The following FAM234B variants were observed in gnomAD, a reference collection of about 807,000 sequenced individuals.
FAM234B encodes family with sequence similarity 234 member B.
A neutral mutation model predicts 69.3 loss-of-function variants in FAM234B; 33 were observed. The ratio of observed to expected loss-of-function variants is 0.48; its 90% CI spans 0.36 to 0.64. FAM234B has a LOEUF of 0.64. FAM234B is among the 30% of genes least tolerant of loss of function. The pLI is 0.00. For missense variants in FAM234B, 697 were observed against 769.7 expected, an observed-to-expected ratio of 0.91 and a Z score of 1.12; for synonymous variants, 306 against 306.9, an observed-to-expected ratio of 1.00 and a Z score of 0.03.
rs1692655276 is a variant in FAM234B at position 13,044,566 on chromosome 12, C to A, written c.37+126C>A. 2 of 1,020,480 alleles carry A rather than the reference C, an allele frequency of 2.0e-6. No individual in the cohort carries two copies. The highest frequency in any genetic ancestry group is 2.9e-6 in the Non-Finnish European group (2 of 684,204). The allele number at this position is 1,020,480 out of a possible 1,614,324, so 63.2% of individuals were successfully genotyped here. ...CAGACTCAGCTGCAGGCGCCCGGTG[C>A]CGAGGAGGGTGCAGTCCCTTGGGGC... On this transcript the variant is annotated intron_variant, in intron 1 of 12. Transcript: ENST00000197268. This position sits in a 1 kb window ranked among gnomAD's most constrained non-coding sequence, Gnocchi z 5.6.
chr12:13,061,606 C>T lies in FAM234B; in HGVS notation c.564C>T (p.Cys188=), dbSNP rs766868848. 12 of 1,613,516 alleles carry T rather than the reference C, an allele frequency of 7.4e-6. No homozygotes were observed. The South Asian group carries it at 1.1e-4, about 15-fold the overall frequency. ...CAAGACCAGCTGCTAATCTTGTATG[C>T]CTTTCGGGGATGAATGGCAGCACAC... ...GVSRPAANLV[C]LSGMNGSTLW... Residue 188 remains cysteine (C), a synonymous_variant, in exon 4 of 13, where the codon TGC becomes TGT. Coordinates refer to ENST00000197268, the MANE Select transcript of FAM234B (RefSeq NM_020853.2).
At chr12:13,047,899 T>G (rs1322543568) in intron 1 of FAM234B, among the ~76,000 whole-genome samples, 1 of 152,140 alleles carries the variant, frequency 6.6e-6, no homozygotes, top group Non-Finnish European at 1.5e-5. Flanking sequence ...TGGACGTCTT[T>G]TACTTCACGC....
At position 13,083,106 on chromosome 12, in the gene FAM234B, T is replaced by G. The variant is rs965924384; in HGVS notation, c.*2476T>G. ...AATGTGTCCCTAAGCCTCCTTCTCC[T>G]TGCAGGCAGCCACCCACCCAGGTGT... is the stretch of plus-strand genomic sequence containing the variant. On this transcript the variant is annotated 3_prime_UTR_variant, in exon 13 of 13. Coordinates refer to ENST00000197268, the MANE Select transcript of FAM234B (RefSeq NM_020853.2). 1 of 152,314 alleles carries G rather than the reference T, an allele frequency of 6.6e-6. No individual in the cohort carries two copies. The allele number at this position is 152,314 out of a possible 1,614,324, so 9.4% of individuals were successfully genotyped here.
chr12:13,061,857 G>A (rs3741817), intron 4 of FAM234B, 94 bp downstream of exon 4: 190,928 of 999,790 alleles, frequency 0.19, 22,748 homozygotes, highest in East Asian at 0.49. Flanking sequence ...TGACTCTCAC[G>A]TGGTGGAGTA....
At chr12:13,073,116 C>G (rs1053656211) in intron 10 of FAM234B, among the ~76,000 whole-genome samples, 18 of 151,656 alleles carry the variant, frequency 1.2e-4, no homozygotes, top group African/African-American at 4.1e-4. Context: ...TTCTCAAACA[C>G]TCTCATTTTA....
chr12:13,052,323 G>A (rs1415536923), intron 1 of FAM234B, among the ~76,000 whole-genome samples: 1 of 152,096 alleles, frequency 6.6e-6, no homozygotes, highest in African/African-American at 2.4e-5. Context: ...GTAAGTTTGG[G>A]ATAGGGGTGG....
chr12:13,045,610 C>T (rs945509935), intron 1 of FAM234B, among the ~76,000 whole-genome samples: 1 of 151,888 alleles, frequency 6.6e-6, no homozygotes, highest in South Asian at 2.1e-4. Flanking sequence ...GACTTCATGA[C>T]CTCAGACAGA....
intron 10 of FAM234B, 21 bp downstream of exon 10, chr12:13,071,417 C>T: frequency 6.2e-7 from 1 of 1,610,952 alleles, no homozygotes; most frequent in Non-Finnish European, 8.5e-7. Context: ...CTGGGAGGGT[C>T]CCTTTTTTAC....
intron 10 of FAM234B, among the ~76,000 whole-genome samples, chr12:13,075,433 C>CTTTTTTTTTTTT (rs59012504): frequency 3.2e-4 from 44 of 137,506 alleles, no homozygotes; most frequent in South Asian, 4.6e-4. Flanking sequence ...CTTTTCTTTT[C>CTTTTTTTTTTTT]TTTTTTTTTT....
intron 2 of FAM234B, among the ~76,000 whole-genome samples, chr12:13,056,990 T>A (rs183346628): frequency 1.3e-5 from 2 of 151,732 alleles, no homozygotes; most frequent in Non-Finnish European, 2.9e-5. Context: ...TTTTTTTTTT[T>A]TTTTTGCGAC....
At chr12:13,058,737 C>T (rs193033374) in intron 3 of FAM234B, among the ~76,000 whole-genome samples, 188 bp downstream of exon 3, 8 of 152,234 alleles carry the variant, frequency 5.3e-5, no homozygotes, top group Admixed American at 1.3e-4. Context: ...TCTAAGAAAT[C>T]GGAGGGAGTT....
chr12:13,067,035 C>A lies in FAM234B; in HGVS notation c.1001-120C>A. ...ACCTCCCCACTTGTTCCGTGTTGTC[C>A]AGTCTGGGCGGGCTCTGTTAGACCC... On this transcript the variant is annotated intron_variant, in intron 6 of 12. Coordinates refer to ENST00000197268, the MANE Select transcript of FAM234B (RefSeq NM_020853.2). This position sits in a 1 kb window ranked among gnomAD's most constrained non-coding sequence, Gnocchi z 4.7. The A allele has an allele frequency of 8.5e-7, 1 of 1,182,342 alleles. No individual in the cohort carries two copies. Among genetic ancestry groups the A allele is most frequent in the Non-Finnish European group, 1.2e-6 (1 of 821,670 alleles). The allele number at this position is 1,182,342 out of a possible 1,614,324, so 73.2% of individuals were successfully genotyped here. A position where few individuals can be genotyped will look rare whatever the true frequency, so the allele number is the denominator to read the frequency against.
chr12:13,079,730 C>G (rs1387111836), intron 11 of FAM234B, 59 bp from the exon 12 acceptor site: 3 of 1,048,428 alleles, frequency 2.9e-6, no homozygotes, highest in Non-Finnish European at 4.4e-6. Context: ...CCAAACCCCT[C>G]TCCTGTTAGT....
rs1864983410 is a variant in FAM234B at position 13,061,650 on chromosome 12, C to T, written c.608C>T (p.Pro203Leu). The stretch of plus-strand genomic sequence containing the variant: ...AGCACACTGTGGTCTAGTCTTCTCC[C>T]TGAGGAGGCTCGAGATATCACATGT... ...NGSTLWSSLL[P>L]EEARDITCLE... The change falls in exon 4 of 13, where the codon CCT becomes CTT. Residue 203 changes from proline to leucine, a missense_variant. Physicochemically the swap from Pro to Leu is moderately conservative, Grantham distance 98. Around this residue, in one of 3 missense-constraint regions of FAM234B, gnomAD observed 380 missense variants for 447.1 expected, o/e 0.85. Coordinates refer to ENST00000197268, the MANE Select transcript of FAM234B (RefSeq NM_020853.2). The T allele has an allele frequency of 6.2e-7, 1 of 1,614,054 alleles. No homozygotes were observed. The highest frequency in any genetic ancestry group is 2.2e-5 in the East Asian group (1 of 44,876).
Position 13,060,631 on chromosome 12 carries a change from T to C in FAM234B, c.533-944T>C, listed in dbSNP as rs920619056. Among the ~76,000 whole-genome samples the C allele has an allele frequency of 9.9e-5, 15 of 152,218 alleles. 1 individual carries two copies. The East Asian group carries it at 1.3e-3, about 14-fold the overall frequency. Reference sequence around the variant, plus strand: ...CAACAGGGTCTGAAACAGCCAGCCATTGTTTGTCACTTGTTTTTAGGTTGT... The same window carrying C: ...CAACAGGGTCTGAAACAGCCAGCCACTGTTTGTCACTTGTTTTTAGGTTGT... On this transcript the variant is annotated intron_variant, in intron 3 of 12. Coordinates refer to ENST00000197268, the MANE Select transcript of FAM234B (RefSeq NM_020853.2).
chr12:13,044,941 A>C lies in FAM234B; in HGVS notation c.37+501A>C, dbSNP rs867349321. Among the ~76,000 whole-genome samples, 4 of 152,274 alleles carry C rather than the reference A, an allele frequency of 2.6e-5. No homozygotes were observed. The highest frequency in any genetic ancestry group is 9.6e-5 in the African/African-American group (4 of 41,554). On this transcript the variant is annotated intron_variant, in intron 1 of 12. Transcript: ENST00000197268. The surrounding 1 kb of genome is among the most constrained non-coding windows in gnomAD (Gnocchi z 5.6). ...AGGTATTTACGTCCCTTCCTAGTTTACAGAAGAGAAAATGAGAGTTATTTG... is the reference window on the plus strand; with the variant it reads ...AGGTATTTACGTCCCTTCCTAGTTTCCAGAAGAGAAAATGAGAGTTATTTG...
intron 1 of FAM234B, among the ~76,000 whole-genome samples, chr12:13,055,025 C>T (rs1403754168): frequency 6.6e-6 from 1 of 152,200 alleles, no homozygotes; most frequent in African/African-American, 2.4e-5. Flanking sequence ...TTCAGATGAA[C>T]ATTCAGTGTT....
intron 5 of FAM234B, among the ~76,000 whole-genome samples, chr12:13,066,161 C>T (rs970485268): frequency 6.6e-6 from 1 of 152,226 alleles, no homozygotes; most frequent in Admixed American, 6.5e-5. Flanking sequence ...ACTATTTGAC[C>T]CTTCACAGAA....
At chr12:13,054,156 T>C (rs1864904794) in intron 1 of FAM234B, among the ~76,000 whole-genome samples, 1 of 152,264 alleles carries the variant, frequency 6.6e-6, no homozygotes, top group East Asian at 1.9e-4. Flanking sequence ...TGACGTACAT[T>C]CTCAGCTTAT....
Sources: allele counts gnomAD v4.1 joint callset (sites outside exome capture counted in the v4.1 genomes callset), GRCh38; gene constraint gnomAD v4.1.1; regional missense constraint gnomAD v4.1.1; non-coding constraint Gnocchi (gnomAD v3.1); transcripts MANE v1.5; gene names NCBI Gene and HGNC (gene_info 2026-07-23, HGNC 2026-07-21).